The following HDAC9 variants were observed in gnomAD, a reference collection of about 807,000 sequenced individuals.
The protein encoded by HDAC9 is MEF-2 interacting transcription repressor (MITR) protein.
In HDAC9, 41 loss-of-function variants were observed where a neutral mutation model predicts 139.4. That is an observed-to-expected ratio of 0.29 (90% CI 0.23 to 0.38). The LOEUF is 0.38. Ranked by LOEUF, HDAC9 falls within the 10% of genes least tolerant of loss-of-function variation. The pLI is 1.00. For synonymous variants in HDAC9, 517 were observed against 476.2 expected (o/e 1.09, Z -1.12); for missense variants, 1,147 against 1,297.0 (o/e 0.88, Z 1.78).
At chr7:18,507,431 G>C (rs1263729526) in intron 2 of HDAC9, among the ~76,000 whole-genome samples, 1 of 151,740 alleles carries the variant, frequency 6.6e-6, no homozygotes, top group African/African-American at 2.4e-5. Context: ...CTGACCTCGT[G>C]ATCCGCCCGC....
At chr7:18,352,588 C>G (rs1242338919) in intron 1 of HDAC9, among the ~76,000 whole-genome samples, 3 of 152,036 alleles carry the variant, frequency 2.0e-5, no homozygotes, top group Non-Finnish European at 4.4e-5. Flanking sequence ...GATTCTTGGC[C>G]TTGTGAGATG....
chr7:18,162,085 A>G, intron 1 of HDAC9: 1 of 493,262 alleles, frequency 2.0e-6, no homozygotes, highest in Admixed American at 3.7e-5. Context: ...AGACTTAGAG[A>G]CCTGTAAGGT....
At chr7:18,389,004 C>T (rs1786208527) in intron 1 of HDAC9, among the ~76,000 whole-genome samples, 2 of 152,156 alleles carry the variant, frequency 1.3e-5, no homozygotes, top group African/African-American at 4.8e-5. Context: ...TATATAAGAA[C>T]ATCATGGCCT....
At chr7:18,167,037 C>T (rs1228386335) in intron 2 of HDAC9, among the ~76,000 whole-genome samples, 3 of 152,158 alleles carry the variant, frequency 2.0e-5, no homozygotes, top group Non-Finnish European at 2.9e-5. Context: ...ATTTTCAGGC[C>T]ACTGGCCAAT....
chr7:18,112,509 TAC>T (rs895388585), intron 1 of HDAC9, among the ~76,000 whole-genome samples: 1 of 152,234 alleles, frequency 6.6e-6, no homozygotes, highest in Non-Finnish European at 1.5e-5. Context: ...AGTTCCGATA[TAC>T]ACAGTCATTG....
Position 18,733,772 on chromosome 7 carries a change from A to G in HDAC9, c.1909+6015A>G, listed in dbSNP as rs185182359. ...TATTACCTTCACACATGTTTTGAAG[A>G]CAGACTTATTGGGACACAAGTTTTT... On this transcript the variant is annotated intron_variant, in intron 13 of 25. Coordinates refer to ENST00000686413, the MANE Select transcript of HDAC9 (RefSeq NM_178425.4). Among the ~76,000 whole-genome samples, 229 of 152,208 alleles carry G rather than the reference A, an allele frequency of 1.5e-3. 1 individual carries two copies. The highest frequency in any genetic ancestry group is 0.01 in the Middle Eastern group (3 of 294).
intron 21 of HDAC9, among the ~76,000 whole-genome samples, chr7:18,862,727 A>G (rs1409625911): frequency 2.0e-5 from 3 of 152,198 alleles, no homozygotes; most frequent in African/African-American, 7.2e-5. Context: ...AAATACAGAA[A>G]AAAACCTAGC....
At chr7:18,667,954 G>T in intron 12 of HDAC9, 1 of 975,970 alleles carries the variant, frequency 1.0e-6, no homozygotes, top group Non-Finnish European at 1.2e-6. Flanking sequence ...ATCTTTGTGA[G>T]GTTTTTTCTA....
chr7:18,891,213 G>A (rs1294149639), intron 22 of HDAC9, among the ~76,000 whole-genome samples: 2 of 152,128 alleles, frequency 1.3e-5, no homozygotes, highest in Non-Finnish European at 2.9e-5. Flanking sequence ...CCTGCCTTAG[G>A]GTAATCATGT....
intron 1 of HDAC9, among the ~76,000 whole-genome samples, chr7:18,144,703 T>C (rs58138464): frequency 0.024 from 3,603 of 152,260 alleles, 136 homozygotes; most frequent in African/African-American, 0.081. Flanking sequence ...GATAAGTTTC[T>C]TCTTTCCATC....
chr7:18,247,423 A>T (rs1267754290), intron 2 of HDAC9, among the ~76,000 whole-genome samples: 3 of 152,038 alleles, frequency 2.0e-5, no homozygotes, highest in African/African-American at 7.2e-5. Context: ...ATGAAAGTAA[A>T]CCAAGGAGGA....
intron 2 of HDAC9, among the ~76,000 whole-genome samples, chr7:18,567,591 C>G (rs1285167294): frequency 6.6e-6 from 1 of 152,074 alleles, no homozygotes; most frequent in Non-Finnish European, 1.5e-5. Context: ...AATGCCTTTG[C>G]TAAGCTCTAT....
chr7:18,798,373 G>C (rs1792989614), intron 17 of HDAC9, among the ~76,000 whole-genome samples: 1 of 152,142 alleles, frequency 6.6e-6, no homozygotes, highest in South Asian at 2.1e-4. Context: ...AACAACTCAG[G>C]AAGCATGTTT....
At chr7:18,762,994 T>C (rs1201661789) in intron 15 of HDAC9, among the ~76,000 whole-genome samples, 1 of 152,180 alleles carries the variant, frequency 6.6e-6, no homozygotes, top group African/African-American at 2.4e-5. Flanking sequence ...ATAATATTGT[T>C]TTATTAACTT....
intron 1 of HDAC9, among the ~76,000 whole-genome samples, chr7:18,101,535 C>T (rs547664963): frequency 6.6e-6 from 1 of 152,280 alleles, no homozygotes; most frequent in East Asian, 1.9e-4. Context: ...CCATGTAAAA[C>T]CTTGTTGGTC....
rs1783472053 is a variant in HDAC9 at position 18,358,106 on chromosome 7, TTG to T, written c.-42+67592_-42+67593del. On this transcript the variant is annotated intron_variant, in intron 1 of 3. Coordinates refer to the HDAC9 transcript ENST00000413509. ...CGGGAGGCTGACGCAGGAGCATCACTTGAACCCCGGAGGCAGAGGTTGCAGTG... is the reference window on the plus strand; with the variant it reads ...CGGGAGGCTGACGCAGGAGCATCACTAACCCCGGAGGCAGAGGTTGCAGTG... Among the ~76,000 whole-genome samples, 5 of 152,264 alleles carry T rather than the reference TTG, an allele frequency of 3.3e-5. No individual in the cohort carries two copies. In the East Asian group the frequency reaches 9.7e-4, roughly 29 times the overall value.
At chr7:18,428,030 C>T (rs562976080) in intron 1 of HDAC9, among the ~76,000 whole-genome samples, 1 of 152,292 alleles carries the variant, frequency 6.6e-6, no homozygotes, top group African/African-American at 2.4e-5. Flanking sequence ...ATAATGTCCT[C>T]AAGTTCCATT....
chr7:18,279,886 T>C (rs1269290076), intron 2 of HDAC9, among the ~76,000 whole-genome samples: 5 of 152,208 alleles, frequency 3.3e-5, no homozygotes, highest in African/African-American at 4.8e-5. Context: ...TAAGGAATTA[T>C]GATGTAATTT....
intron 12 of HDAC9, among the ~76,000 whole-genome samples, chr7:18,673,839 T>C (rs1795802560): frequency 6.6e-6 from 1 of 152,048 alleles, no homozygotes; most frequent in Non-Finnish European, 1.5e-5. Flanking sequence ...AGCAGAGATA[T>C]GAGGCATCTG....
Sources: allele counts gnomAD v4.1 joint callset (sites outside exome capture counted in the v4.1 genomes callset), GRCh38; gene constraint gnomAD v4.1.1; transcripts MANE v1.5; gene names NCBI Gene and HGNC (gene_info 2026-07-23, HGNC 2026-07-21).